The following EEF1D variants were observed in gnomAD, a reference collection of about 807,000 sequenced individuals.
EEF1D encodes eukaryotic translation elongation factor 1 delta.
EEF1D carries 47 observed loss-of-function variants against 63.9 expected under a neutral mutation model. That is an observed-to-expected ratio of 0.74 (90% CI 0.58 to 0.94). The LOEUF is 0.94. EEF1D is among the 40% of genes least tolerant of loss of function. The pLI, the probability that EEF1D is intolerant of heterozygous loss-of-function variation, is 0.00. For synonymous variants in EEF1D, 412 were observed against 386.1 expected (o/e 1.07, Z -0.79); for missense variants, 907 against 899.0 (o/e 1.01, Z -0.11).
chr8:143,580,647 A>G lies in EEF1D; in HGVS notation c.1569T>C (p.Ile523=). The G allele has an allele frequency of 6.2e-7, 1 of 1,613,916 alleles. No homozygotes were observed. The highest frequency in any genetic ancestry group is 1.7e-4 in the Middle Eastern group (1 of 6,060). The change falls in exon 8 of 10, where the codon ATT becomes ATC. Residue 523 remains isoleucine (I), a synonymous_variant. Coordinates refer to ENST00000618139, the MANE Select transcript of EEF1D (RefSeq NM_001130053.5). ...CCTCATTGTCACTGCCAAACAGGTC[A>G]ATGTCATCATCCTCGTCATCCTCTG... ...TPAEDDEDDD[I]DLFGSDNEEE...
chr8:143,582,025 C>T (rs1310780275), intron 5 of EEF1D: 1 of 152,380 alleles, frequency 6.6e-6, no homozygotes, highest in Non-Finnish European at 1.5e-5. Flanking sequence ...ACAGGGTGCA[C>T]CTGGCTGCAT....
intron 2 of EEF1D, 111 bp downstream of exon 2, chr8:143,592,536 G>T: frequency 1.1e-6 from 1 of 923,686 alleles, no homozygotes; most frequent in Non-Finnish European, 1.3e-6. Flanking sequence ...AGGCCCTCTG[G>T]GCAGACTGGG....
chr8:143,589,544 A>T lies in EEF1D; in HGVS notation c.538T>A (p.Trp180Arg). 6.6e-7 allele frequency: 1 copy of T among 1,511,470 alleles called. No homozygotes were observed. The highest frequency in any genetic ancestry group is 8.9e-7 in the Non-Finnish European group (1 of 1,129,316). The allele number at this position is 1,511,470 out of a possible 1,614,324, so 93.6% of individuals were successfully genotyped here. A position where few individuals can be genotyped will look rare whatever the true frequency, so the allele number is the denominator to read the frequency against. ...FDQAERAFVE[W>R]SQALLLAPDG... Reference sequence around the variant, plus strand: ...GGGGCCAGCAACAGGGCCTGAGACCACTCCACGAAGGCCCGCTCAGCCTGG... The same window carrying T: ...GGGGCCAGCAACAGGGCCTGAGACCTCTCCACGAAGGCCCGCTCAGCCTGG... The change falls in exon 3 of 10, where the codon TGG becomes AGG. Residue 180 changes from tryptophan to arginine, a missense_variant. Trp to Arg is a moderately radical substitution (Grantham distance 101). Coordinates refer to ENST00000618139, the MANE Select transcript of EEF1D (RefSeq NM_001130053.5).
At position 143,580,739 on chromosome 8, in the gene EEF1D, G is replaced by C. The variant is rs765155275; in HGVS notation, c.1489-12C>G. On this transcript the variant is annotated splice_polypyrimidine_tract_variant and intron_variant, in intron 7 of 9. Coordinates refer to ENST00000618139, the MANE Select transcript of EEF1D (RefSeq NM_001130053.5). ...ATGGGAGATACGTGCTGCCACAGGG[G>C]AAGGGACAGGAGGCACGGCTGAGAC... is the stretch of plus-strand genomic sequence containing the variant. 2 of 1,611,614 alleles carry C rather than the reference G, an allele frequency of 1.2e-6. No homozygotes were observed. Among genetic ancestry groups the C allele is most frequent in the African/African-American group, 2.7e-5 (2 of 74,938 alleles).
intron 1 of EEF1D, among the ~76,000 whole-genome samples, chr8:143,595,162 C>T (rs1053447991): frequency 3.3e-5 from 5 of 152,188 alleles, no homozygotes; most frequent in Admixed American, 6.5e-5. Context: ...TTCCACCTCC[C>T]GGGTCCAAGC....
intron 1 of EEF1D, chr8:143,594,006 A>G: frequency 1.3e-6 from 1 of 774,674 alleles, no homozygotes; most frequent in Non-Finnish European, 1.6e-6. Context: ...CGACTCTTTC[A>G]ACTGCGTCCC....
At position 143,589,208 on chromosome 8, in the gene EEF1D, G is replaced by A. The variant is rs1352073909; in HGVS notation, c.874C>T (p.Arg292Ter). Residue 292 changes from arginine to a stop codon, truncating the protein, a stop_gained, in exon 3 of 10, where the codon CGA becomes TGA. Coordinates refer to ENST00000618139, the MANE Select transcript of EEF1D (RefSeq NM_001130053.5). LOFTEE classifies it high-confidence loss of function. ...NILGNKRAGL[R>*]RADGEAPSAL... ...GAGGGGGCCTCCCCATCGGCCCGTC[G>A]CAGCCCGGCCCGCTTGTTCCCTAAG... 6 of 1,586,956 alleles carry A rather than the reference G, an allele frequency of 3.8e-6. No individual in the cohort carries two copies. The highest frequency in any genetic ancestry group is 1.1e-5 in the South Asian group (1 of 88,230).
intron 1 of EEF1D, chr8:143,596,898 G>C (rs1402106588): frequency 6.6e-6 from 1 of 152,358 alleles, no homozygotes; most frequent in Non-Finnish European, 1.5e-5. Context: ...AGTTCCAAAA[G>C]TGTTGCGTCC....
intron 5 of EEF1D, chr8:143,582,707 G>A (rs116668352): frequency 0.041 from 6,174 of 149,794 alleles, 172 homozygotes; most frequent in Middle Eastern, 0.072. Flanking sequence ...CAGGACACAG[G>A]GAGAGTCCCC....
At position 143,581,261 on chromosome 8, in the gene EEF1D, C is replaced by A. The variant is rs768408455; in HGVS notation, c.1355G>T (p.Ser452Ile). 5.0e-6 allele frequency: 8 copies of A among 1,612,726 alleles called. No homozygotes were observed. Among genetic ancestry groups the A allele is most frequent in the Non-Finnish European group, 6.8e-6 (8 of 1,179,988 alleles). ...CAGACTCTGGTTCTCCACTTCCAGA[C>A]TGGCAATCCGGACGACGAGCTCACC... The part of the protein sequence containing the change: ...DHGELVVRIA[S>I]LEVENQSLRG... Residue 452 changes from serine (S) to isoleucine (I), a missense_variant, in exon 6 of 10, where the codon AGT becomes ATT. Physicochemically the swap from Ser to Ile is moderately radical, Grantham distance 142. Transcript: ENST00000618139.
intron 1 of EEF1D, among the ~76,000 whole-genome samples, chr8:143,595,916 A>T (rs762586540): frequency 6.6e-6 from 1 of 152,192 alleles, no homozygotes; most frequent in Non-Finnish European, 1.5e-5. Flanking sequence ...CACTTAGCAT[A>T]ACTCACTGCC....
Position 143,581,035 on chromosome 8 carries a change from G to T in EEF1D, c.1488+19C>A. On this transcript the variant is annotated intron_variant, in intron 7 of 9. Coordinates refer to ENST00000618139, the MANE Select transcript of EEF1D (RefSeq NM_001130053.5). ...GCCACGTGGTCCCCTGCAGTGTCAG[G>T]CGTGGGGAGAGCATTCACCTGGGTC... is the stretch of plus-strand genomic sequence containing the variant. 1 of 1,609,142 alleles carries T rather than the reference G, an allele frequency of 6.2e-7. No homozygotes were observed.
chr8:143,595,537 G>T (rs989250529), intron 1 of EEF1D, among the ~76,000 whole-genome samples: 1 of 152,150 alleles, frequency 6.6e-6, no homozygotes, highest in African/African-American at 2.4e-5. Context: ...AAACTCCACA[G>T]TTCCACATTC....
In EEF1D at chr8:143,591,942, C is replaced by T. The variant is rs771185919; in HGVS notation, c.-1+705G>A. 192 of 783,250 alleles carry T rather than the reference C, an allele frequency of 2.5e-4. 1 individual carries two copies. The highest frequency in any genetic ancestry group is 2.8e-4 in the Non-Finnish European group (182 of 645,470). The allele number at this position is 783,250 out of a possible 1,614,324, so 48.5% of individuals were successfully genotyped here. On this transcript the variant is annotated intron_variant, in intron 2 of 9. Transcript: ENST00000618139. ...TCTAAGTGGAACATGGAGTTCTTTG[C>T]GGGCATGTGGCCCGAATCCCGCAGT...
chr8:143,590,160 C>T (rs1276859878), intron 2 of EEF1D, 79 bp from the exon 3 acceptor site: 2 of 1,468,292 alleles, frequency 1.4e-6, no homozygotes, highest in East Asian at 2.8e-5. Context: ...TGCCCACCCT[C>T]CCCGTGCCCG....
intron 5 of EEF1D, 175 bp from the exon 6 acceptor site, chr8:143,581,503 C>A: frequency 1.6e-6 from 1 of 608,964 alleles, no homozygotes; most frequent in South Asian, 2.0e-5. Flanking sequence ...CCACCACAGA[C>A]CACAGTGAAA....
intron 5 of EEF1D, among the ~76,000 whole-genome samples, chr8:143,584,775 T>C (rs978473638): frequency 2.0e-5 from 3 of 152,070 alleles, no homozygotes; most frequent in Admixed American, 1.3e-4. Context: ...GGGGGGACCA[T>C]GGGCCACACA....
At chr8:143,586,311 A>G (rs1253122978) in intron 4 of EEF1D, 21 bp from the exon 5 acceptor site, 2 of 1,523,148 alleles carry the variant, frequency 1.3e-6, no homozygotes, top group East Asian at 2.4e-5. Context: ...TGCAGAAAGA[A>G]CCAGTCTTTT....
chr8:143,596,993 G>GA (rs1828949432), intron 1 of EEF1D: 1 of 152,252 alleles, frequency 6.6e-6, no homozygotes, highest in Non-Finnish European at 1.5e-5. Context: ...GCAGGCCAGA[G>GA]AAACAGCTGG....
Sources: allele counts gnomAD v4.1 joint callset (sites outside exome capture counted in the v4.1 genomes callset), GRCh38; gene constraint gnomAD v4.1.1; transcripts MANE v1.5; gene names NCBI Gene and HGNC (gene_info 2026-07-23, HGNC 2026-07-21).